The following AMBRA1 variants were observed in gnomAD, a reference collection of about 807,000 sequenced individuals.
AMBRA1 encodes the protein autophagy and beclin 1 regulator 1.
In AMBRA1, 47 loss-of-function variants were observed where a neutral mutation model predicts 125.4. That is an observed-to-expected ratio of 0.37 (90% CI 0.30 to 0.48). The LOEUF is 0.48. AMBRA1 is among the 20% of genes least tolerant of loss of function. AMBRA1 has a pLI of 0.99. For synonymous variants in AMBRA1, 626 were observed against 655.5 expected, an observed-to-expected ratio of 0.95 and a Z score of 0.69; for missense variants, 1,331 against 1,693.4, an observed-to-expected ratio of 0.79 and a Z score of 3.76.
chr11:46,512,062 G>A (rs1315794934), intron 8 of AMBRA1, among the ~76,000 whole-genome samples: 2 of 152,072 alleles, frequency 1.3e-5, no homozygotes, highest in Non-Finnish European at 2.9e-5. Flanking sequence ...TGCCATGTTG[G>A]CCAGGCTGGT....
chr11:46,454,873 C>CTTTT (rs1008795533), intron 11 of AMBRA1, among the ~76,000 whole-genome samples: 1 of 134,440 alleles, frequency 7.4e-6, no homozygotes, highest in African/African-American at 2.8e-5. Context: ...CTGGTATTAG[C>CTTTT]TTTTTTTTTT....
At chr11:46,563,267 A>G (rs1027127440) in intron 1 of AMBRA1, among the ~76,000 whole-genome samples, 5 of 152,120 alleles carry the variant, frequency 3.3e-5, no homozygotes, top group African/African-American at 1.2e-4. Flanking sequence ...TTTGTCAACC[A>G]GGCTGAAGTG....
intron 11 of AMBRA1, among the ~76,000 whole-genome samples, chr11:46,479,533 C>T (rs978261011): frequency 6.6e-6 from 1 of 152,082 alleles, no homozygotes; most frequent in African/African-American, 2.4e-5. Flanking sequence ...CCTGTCTCTA[C>T]TAAAAATACA....
chr11:46,455,840 A>G (rs1033726514), intron 11 of AMBRA1, among the ~76,000 whole-genome samples: 1 of 152,168 alleles, frequency 6.6e-6, no homozygotes, highest in Non-Finnish European at 1.5e-5. Context: ...CCTTCCTCCC[A>G]TGACACTGAA....
At chr11:46,503,754 C>CT (rs1199589581) in intron 9 of AMBRA1, among the ~76,000 whole-genome samples, 4 of 152,188 alleles carry the variant, frequency 2.6e-5, no homozygotes, top group Non-Finnish European at 4.4e-5. Flanking sequence ...GAGAATTCAT[C>CT]TTAAGGCTAA....
chr11:46,403,506 TCCATGCTTGC>T (rs1192800727), intron 17 of AMBRA1, among the ~76,000 whole-genome samples: 5 of 152,180 alleles, frequency 3.3e-5, no homozygotes, highest in Non-Finnish European at 7.3e-5. Context: ...ACTCATTAAT[TCCATGCTTGC>T]CCTGAATGCC....
chr11:46,461,976 C>T (rs1949109862), intron 11 of AMBRA1, among the ~76,000 whole-genome samples: 1 of 152,206 alleles, frequency 6.6e-6, no homozygotes, highest in Non-Finnish European at 1.5e-5. Context: ...CCCCCACTAT[C>T]TAGACTCCTT....
At chr11:46,475,977 C>CT (rs1255233300) in intron 11 of AMBRA1, among the ~76,000 whole-genome samples, 3 of 152,166 alleles carry the variant, frequency 2.0e-5, no homozygotes, top group African/African-American at 7.2e-5. Flanking sequence ...CACTGTTCCC[C>CT]TCCATAGCTG....
intron 11 of AMBRA1, among the ~76,000 whole-genome samples, chr11:46,457,416 G>C (rs572407099): frequency 6.6e-6 from 1 of 152,184 alleles, no homozygotes. Flanking sequence ...CCTTGGAAGG[G>C]GGGAAAAATT....
chr11:46,532,057 T>G (rs1311140573), intron 7 of AMBRA1, among the ~76,000 whole-genome samples: 6 of 152,072 alleles, frequency 3.9e-5, no homozygotes, highest in Admixed American at 3.9e-4. Flanking sequence ...AGGCGGAAGT[T>G]GCAGTGAGCT....
intron 14 of AMBRA1, chr11:46,428,740 G>T (rs1947284523): frequency 6.2e-7 from 1 of 1,609,674 alleles, no homozygotes; most frequent in African/African-American, 1.3e-5. Flanking sequence ...CGGCTTTCTT[G>T]TCGGCACCAG....
chr11:46,427,767 G>C (rs1435349176), intron 14 of AMBRA1, among the ~76,000 whole-genome samples: 1 of 152,118 alleles, frequency 6.6e-6, no homozygotes, highest in Non-Finnish European at 1.5e-5. Flanking sequence ...CCAGCACTTT[G>C]GGAGGCAGAG....
chr11:46,484,464 C>A (rs1266960897), intron 11 of AMBRA1, among the ~76,000 whole-genome samples: 1 of 152,160 alleles, frequency 6.6e-6, no homozygotes, highest in South Asian at 2.1e-4. Context: ...ATTTAATAAT[C>A]TTTGAGATCA....
chr11:46,547,551 C>T (rs2042862865), intron 3 of AMBRA1: 6 of 564,318 alleles, frequency 1.1e-5, no homozygotes, highest in Non-Finnish European at 1.9e-5. Flanking sequence ...ACCATCATAC[C>T]ACTGGTGAGC....
chr11:46,520,657 G>T (rs1951719111), intron 7 of AMBRA1, among the ~76,000 whole-genome samples: 1 of 150,194 alleles, frequency 6.7e-6, no homozygotes, highest in Non-Finnish European at 1.5e-5. Flanking sequence ...GTGCAGTGGC[G>T]TGGTATCGGC....
chr11:46,536,860 C>A (rs1009353776), intron 7 of AMBRA1, among the ~76,000 whole-genome samples: 2 of 152,126 alleles, frequency 1.3e-5, no homozygotes, highest in Non-Finnish European at 2.9e-5. Flanking sequence ...ACACTAAGGC[C>A]GTCAATGTAC....
chr11:46,546,960 A>T, intron 4 of AMBRA1, 153 bp downstream of exon 4: 2 of 659,504 alleles, frequency 3.0e-6, no homozygotes, highest in Non-Finnish European at 5.0e-6. Flanking sequence ...AATCCCAGCT[A>T]CTTGGGAGGC....
rs188726334 is a variant in AMBRA1, at chr11:46,450,753, T to A, written c.2522-7155A>T. The stretch of plus-strand genomic sequence containing the variant: ...CCACCATGTACAGCCACAAGGAGAT[T>A]TTTTAAGCAGTAAAGTTATTTTCTA... On this transcript the variant is annotated intron_variant, in intron 11 of 17. Coordinates refer to ENST00000683756, the MANE Select transcript of AMBRA1 (RefSeq NM_001387011.1). Among the ~76,000 whole-genome samples, 422 of 152,282 alleles carry A rather than the reference T, an allele frequency of 2.8e-3. 3 individuals are homozygous for A. Among genetic ancestry groups the A allele is most frequent in the African/African-American group, 9.8e-3 (406 of 41,574 alleles).
In AMBRA1 at chr11:46,490,505, T is replaced by C. The variant is rs139976066; in HGVS notation, c.2521+3103A>G. On this transcript the variant is annotated intron_variant, in intron 11 of 17. Transcript: ENST00000683756. ...TTCTATTATTGCTTTCAGTCTCTTGTGGGAGGAAGTAGAACGGATCTTGAT... is the reference window on the plus strand; with the variant it reads ...TTCTATTATTGCTTTCAGTCTCTTGCGGGAGGAAGTAGAACGGATCTTGAT... 1.5e-3 allele frequency among the ~76,000 whole-genome samples: 232 copies of C among 152,326 alleles called. 1 individual carries two copies. The highest frequency in any genetic ancestry group is 5.2e-3 in the African/African-American group (215 of 41,558).
Sources: gnomAD v4.1 joint callset for allele counts (sites outside exome capture counted in the v4.1 genomes callset) on GRCh38, gnomAD v4.1.1 for gene constraint, MANE v1.5 for transcripts, NCBI Gene and HGNC (gene_info 2026-07-23, HGNC 2026-07-21) for gene names.